Variants in DLG2 observed in about 807,000 individuals in gnomAD.
The protein encoded by DLG2 is discs large MAGUK scaffold protein 2, also known as disks large homolog 2.
Under a neutral mutation model 132.5 loss-of-function variants are expected in DLG2, and 45 were observed. That is an observed-to-expected ratio of 0.34 (90% confidence interval 0.27 to 0.44). DLG2 has a LOEUF of 0.44. DLG2 is among the 20% of genes least tolerant of loss of function. The pLI is 1.00. For missense variants in DLG2, 1,045 were observed against 1,196.9 expected (o/e 0.87, Z 1.87); for synonymous variants, 424 against 419.6 (o/e 1.01, Z -0.13).
chr11:83,941,299 T>A (rs80243582), intron 14 of DLG2, among the ~76,000 whole-genome samples: 7,047 of 135,712 alleles, frequency 0.052, 498 homozygotes, highest in African/African-American at 0.15. Context: ...CCTTCCAGCA[T>A]ATACATTTAC....
intron 6 of DLG2, among the ~76,000 whole-genome samples, chr11:85,092,570 G>T (rs2068958596): frequency 6.6e-6 from 1 of 151,454 alleles, no homozygotes; most frequent in South Asian, 2.1e-4. Context: ...AACACTTAGG[G>T]ATACTAAAGA....
At chr11:84,197,036 C>CAAAAAA (rs60877284) in intron 8 of DLG2, among the ~76,000 whole-genome samples, 4 of 87,928 alleles carry the variant, frequency 4.5e-5, no homozygotes, top group Admixed American at 1.5e-4. Context: ...GACTCTTTCT[C>CAAAAAA]AAAAAAAAAA....
chr11:84,190,181 A>C (rs1226988690), intron 8 of DLG2, among the ~76,000 whole-genome samples: 1 of 152,058 alleles, frequency 6.6e-6, no homozygotes, highest in Non-Finnish European at 1.5e-5. Flanking sequence ...AGTCAAAAAA[A>C]AAAAAGTGAA....
chr11:84,012,699 A>G (rs1448134223), intron 11 of DLG2, among the ~76,000 whole-genome samples: 3 of 152,160 alleles, frequency 2.0e-5, no homozygotes, highest in African/African-American at 4.8e-5. Context: ...ATGTGAATAA[A>G]CAGGAGGAAA....
intron 6 of DLG2, among the ~76,000 whole-genome samples, chr11:84,591,223 C>CTGTGTGTGTGTGTGTGTGTGTGTGTGTG (rs781411791): frequency 7.2e-6 from 1 of 139,222 alleles, no homozygotes; most frequent in Non-Finnish European, 1.5e-5. Context: ...ATGTGTCTCT[C>CTGTGTGTGTGTGTGTGTGTGTGTGTGTG]TGTGTGTGTG....
At chr11:85,085,649 C>T (rs575379375) in intron 6 of DLG2, among the ~76,000 whole-genome samples, 2 of 152,102 alleles carry the variant, frequency 1.3e-5, no homozygotes, top group African/African-American at 4.8e-5. Flanking sequence ...TATCCTGTAC[C>T]AGGACCTATG....
At chr11:84,512,584 CTATAAAA>C (rs1476804924) in intron 7 of DLG2, among the ~76,000 whole-genome samples, 1 of 151,812 alleles carries the variant, frequency 6.6e-6, no homozygotes, top group Non-Finnish European at 1.5e-5. Context: ...TATAATCAAA[CTATAAAA>C]CATAAAAAAG....
intron 18 of DLG2, among the ~76,000 whole-genome samples, chr11:83,676,080 T>C (rs2153584675): frequency 6.6e-6 from 1 of 152,288 alleles, no homozygotes; most frequent in African/African-American, 2.4e-5. Context: ...ACTCATAATG[T>C]CCTGGGGAGA....
At chr11:84,580,360 T>G (rs530631414) in intron 6 of DLG2, among the ~76,000 whole-genome samples, 1 of 152,370 alleles carries the variant, frequency 6.6e-6, no homozygotes, top group South Asian at 2.1e-4. Context: ...AACAAATTGC[T>G]AACTCTTTGA....
chr11:85,114,218 A>G (rs571974811), intron 5 of DLG2, among the ~76,000 whole-genome samples: 2 of 152,116 alleles, frequency 1.3e-5, no homozygotes, highest in African/African-American at 4.8e-5. Context: ...ACACTGTGGC[A>G]TAACAGAGTT....
In DLG2 at chr11:85,460,185, G is replaced by C. The variant is rs1044392057; in HGVS notation, c.40+138472C>G. On this transcript the variant is annotated intron_variant, in intron 3 of 27. Transcript: ENST00000376104. ...GAGTCCACTGCTGCTCAGCCCTCTG[G>C]ATTCAGCCACTTTCCTGGGGGAATG... is the stretch of plus-strand genomic sequence containing the variant. Among the ~76,000 whole-genome samples, 3 of 152,164 alleles carry C rather than the reference G, an allele frequency of 2.0e-5. No homozygotes were observed. In the East Asian group the frequency reaches 5.8e-4, roughly 29 times the overall value.
chr11:85,041,480 T>G (rs1265962336), intron 6 of DLG2, among the ~76,000 whole-genome samples: 1 of 151,910 alleles, frequency 6.6e-6, no homozygotes, highest in African/African-American at 2.4e-5. Context: ...TTCATAGAGT[T>G]GTTGTGAGGA....
intron 7 of DLG2, among the ~76,000 whole-genome samples, chr11:84,369,965 C>T (rs1363633116): frequency 6.6e-6 from 1 of 152,158 alleles, no homozygotes; most frequent in Non-Finnish European, 1.5e-5. Context: ...GGTCCCTCTG[C>T]TGCTAAACAA....
At chr11:83,615,522 A>G (rs967119381) in intron 19 of DLG2, among the ~76,000 whole-genome samples, 2 of 152,212 alleles carry the variant, frequency 1.3e-5, no homozygotes, top group African/African-American at 4.8e-5. Flanking sequence ...GTTCCCTTAC[A>G]TAACAAAAGA....
At chr11:83,933,160 A>C (rs1208003209) in intron 14 of DLG2, among the ~76,000 whole-genome samples, 1 of 152,236 alleles carries the variant, frequency 6.6e-6, no homozygotes, top group Admixed American at 6.5e-5. Flanking sequence ...GGCAGAACAG[A>C]TGCCACTATC....
chr11:84,178,956 C>T (rs751677874), intron 8 of DLG2, among the ~76,000 whole-genome samples: 11 of 151,444 alleles, frequency 7.3e-5, no homozygotes, highest in Admixed American at 1.3e-4. Context: ...ATAGGAGACA[C>T]GCAAAAAAGG....
At chr11:85,313,529 C>A (rs766394677) in intron 3 of DLG2, among the ~76,000 whole-genome samples, 22 of 151,954 alleles carry the variant, frequency 1.4e-4, no homozygotes, top group Non-Finnish European at 2.9e-4. Context: ...TAATAAACTA[C>A]AATAATGTAA....
intron 3 of DLG2, among the ~76,000 whole-genome samples, chr11:85,448,153 C>T (rs1330570438): frequency 1.3e-5 from 2 of 152,114 alleles, no homozygotes; most frequent in Non-Finnish European, 2.9e-5. Context: ...AAGTACCTTA[C>T]AATGTTTTCA....
At chr11:83,782,531 T>C (rs1246655228) in intron 18 of DLG2, among the ~76,000 whole-genome samples, 1 of 152,158 alleles carries the variant, frequency 6.6e-6, no homozygotes, top group Non-Finnish European at 1.5e-5. Context: ...ACTAAGCAGA[T>C]TAAAAATGGC....
Sources: allele counts gnomAD v4.1 joint callset (sites outside exome capture counted in the v4.1 genomes callset), GRCh38; gene constraint gnomAD v4.1.1; transcripts MANE v1.5; gene names NCBI Gene and HGNC (gene_info 2026-07-23, HGNC 2026-07-21).